GRIA1: variants seen among roughly 807,000 people sequenced by gnomAD.
The protein encoded by GRIA1 is glutamate ionotropic receptor AMPA type subunit 1.
Under a neutral mutation model 99.2 loss-of-function variants are expected in GRIA1, and 31 were observed. The ratio of observed to expected loss-of-function variants is 0.31; its 90% CI spans 0.23 to 0.42. The LOEUF is 0.42. Ranked by LOEUF, GRIA1 falls within the 10% of genes least tolerant of loss-of-function variation. GRIA1 has a pLI of 1.00. For missense variants in GRIA1, 782 were observed against 1,157.5 expected (o/e 0.68, Z 4.71); for synonymous variants, 438 against 432.4 (o/e 1.01, Z -0.16).
At chr5:153,784,508 G>A (rs78114782) in intron 13 of GRIA1, among the ~76,000 whole-genome samples, 102 of 152,238 alleles carry the variant, frequency 6.7e-4, no homozygotes, top group Middle Eastern at 3.4e-3. Context: ...TCATAAGATC[G>A]CAGAACTCTC....
At chr5:153,661,064 G>T (rs1215173347) in intron 5 of GRIA1, among the ~76,000 whole-genome samples, 1 of 152,174 alleles carries the variant, frequency 6.6e-6, no homozygotes, top group Non-Finnish European at 1.5e-5. Context: ...CCATGCTGCT[G>T]CTCCTCTGCG....
chr5:153,540,820 A>G (rs1337943746), intron 2 of GRIA1, among the ~76,000 whole-genome samples: 1 of 152,326 alleles, frequency 6.6e-6, no homozygotes, highest in South Asian at 2.1e-4. Flanking sequence ...ACCCAGTCCT[A>G]CAAATATTGT....
intron 11 of GRIA1, among the ~76,000 whole-genome samples, chr5:153,707,703 G>A (rs866018369): frequency 6.6e-6 from 1 of 152,174 alleles, no homozygotes. Context: ...TTCCTAAGCG[G>A]CAATGGAGTA....
chr5:153,712,575 C>A (rs1759390741), intron 11 of GRIA1, among the ~76,000 whole-genome samples: 1 of 152,202 alleles, frequency 6.6e-6, no homozygotes, highest in Admixed American at 6.5e-5. Context: ...ACCCATTTCT[C>A]TTGCTCTTCT....
At chr5:153,732,208 A>G (rs530394042) in intron 11 of GRIA1, among the ~76,000 whole-genome samples, 1 of 152,184 alleles carries the variant, frequency 6.6e-6, no homozygotes, top group South Asian at 2.1e-4. Flanking sequence ...TATCTTTGTG[A>G]GATGCTGATT....
At chr5:153,629,780 T>A (rs964895215) in intron 2 of GRIA1, among the ~76,000 whole-genome samples, 1 of 152,262 alleles carries the variant, frequency 6.6e-6, no homozygotes, top group Non-Finnish European at 1.5e-5. Flanking sequence ...AACATGCTGT[T>A]CTTCTACTGC....
intron 11 of GRIA1, among the ~76,000 whole-genome samples, chr5:153,756,653 T>A (rs1336526448): frequency 6.6e-6 from 1 of 152,178 alleles, no homozygotes; most frequent in African/African-American, 2.4e-5. Context: ...GCCTTGACTC[T>A]TCTCTAGGTC....
At chr5:153,682,735 CT>C (rs1757066603) in intron 7 of GRIA1, among the ~76,000 whole-genome samples, 1 of 152,200 alleles carries the variant, frequency 6.6e-6, no homozygotes, top group African/African-American at 2.4e-5. Context: ...TGAGCCCAAT[CT>C]CTCTCCACCT....
intron 11 of GRIA1, among the ~76,000 whole-genome samples, chr5:153,743,812 C>A (rs1434481769): frequency 6.6e-6 from 1 of 152,116 alleles, no homozygotes; most frequent in Non-Finnish European, 1.5e-5. Flanking sequence ...AGCAGTAACA[C>A]CAGGGGGCAG....
chr5:153,548,356 A>G (rs1470867196), intron 2 of GRIA1, among the ~76,000 whole-genome samples: 1 of 152,126 alleles, frequency 6.6e-6, no homozygotes, highest in Non-Finnish European at 1.5e-5. Flanking sequence ...AATCTTCTCA[A>G]TTGTGAAACA....
At position 153,745,154 on chromosome 5, in the gene GRIA1, A is replaced by T. The variant is rs568289751; in HGVS notation, c.1824-19280A>T. Among the ~76,000 whole-genome samples, 5 of 152,132 alleles carry T rather than the reference A, an allele frequency of 3.3e-5. No individual in the cohort carries two copies. The South Asian group carries it at 1.0e-3, about 32-fold the overall frequency. ...GAGTGTGTTCCTCTAGATTTTTCTC[A>T]CGTCTAGATTATTCTCAACCTTCGG... is the stretch of plus-strand genomic sequence containing the variant. On this transcript the variant is annotated intron_variant, in intron 11 of 15. Transcript: ENST00000285900.
chr5:153,514,579 T>A (rs528338233), intron 2 of GRIA1, among the ~76,000 whole-genome samples: 1 of 152,338 alleles, frequency 6.6e-6, no homozygotes, highest in South Asian at 2.1e-4. Flanking sequence ...ACCATGCTGT[T>A]TTGATTAGTA....
intron 14 of GRIA1, among the ~76,000 whole-genome samples, chr5:153,795,089 G>T (rs542713965): frequency 1.3e-5 from 2 of 152,152 alleles, no homozygotes; most frequent in South Asian, 4.2e-4. Context: ...TTTTCAAAGG[G>T]CCTGCTCTGG....
At chr5:153,493,357 G>C (rs1015090397) in intron 1 of GRIA1, among the ~76,000 whole-genome samples, 38 of 152,232 alleles carry the variant, frequency 2.5e-4, no homozygotes, top group African/African-American at 8.7e-4. Flanking sequence ...TAAACCTTAG[G>C]GGCAATAGAA....
At chr5:153,650,838 C>T (rs1469980023) in intron 4 of GRIA1, among the ~76,000 whole-genome samples, 1 of 141,878 alleles carries the variant, frequency 7.0e-6, no homozygotes, top group Non-Finnish European at 1.5e-5. Flanking sequence ...GCAGGCGGAT[C>T]ACCTGAGGTC....
intron 8 of GRIA1, among the ~76,000 whole-genome samples, chr5:153,694,535 G>A (rs35103900): frequency 0.094 from 14,314 of 152,222 alleles, 825 homozygotes; most frequent in Non-Finnish European, 0.12. Flanking sequence ...ACCATACACT[G>A]TGCTAATTGT....
intron 2 of GRIA1, among the ~76,000 whole-genome samples, chr5:153,571,613 C>T (rs1762127758): frequency 6.6e-6 from 1 of 152,076 alleles, no homozygotes; most frequent in Admixed American, 6.5e-5. Flanking sequence ...GCCCATGAGC[C>T]ATAGTTTTCT....
At position 153,698,113 on chromosome 5, in the gene GRIA1, T is replaced by A. The variant is rs1758247714; in HGVS notation, c.1204T>A (p.Ser402Thr). 5 of 1,609,984 alleles carry A rather than the reference T, an allele frequency of 3.1e-6. No homozygotes were observed. Among genetic ancestry groups the A allele is most frequent in the Non-Finnish European group, 3.4e-6 (4 of 1,176,292 alleles). ...CGATGCCCAAGCTGGGGGCGATAAT[T>A]CAAGTGTTCAGAACAGAACATACAT... Reference protein sequence around the residue: ...ATDAQAGGDNSSVQNRTYIVT... With the variant: ...ATDAQAGGDNTSVQNRTYIVT... Residue 402 changes from serine to threonine, a missense_variant, in exon 9 of 16, where the codon TCA becomes ACA. By Grantham distance (58) the Ser-to-Thr change is moderately conservative. This residue lies in a region of GRIA1 where 461 missense variants were observed against 521.7 expected (regional missense o/e 0.88). Coordinates refer to ENST00000285900, the MANE Select transcript of GRIA1 (RefSeq NM_000827.4).
chr5:153,544,496 A>G (rs896395038), intron 2 of GRIA1, among the ~76,000 whole-genome samples: 15 of 152,214 alleles, frequency 9.9e-5, no homozygotes, highest in Non-Finnish European at 1.9e-4. Flanking sequence ...ACCAGGGTCT[A>G]TAATGAAATG....
Sources: gnomAD v4.1 joint callset for allele counts (sites outside exome capture counted in the v4.1 genomes callset) on GRCh38, gnomAD v4.1.1 for gene constraint, gnomAD v4.1.1 regional missense constraint, MANE v1.5 for transcripts, NCBI Gene and HGNC (gene_info 2026-07-23, HGNC 2026-07-21) for gene names.